The following DYNC1I1 variants were observed in gnomAD, a reference collection of about 807,000 sequenced individuals.
DYNC1I1 encodes the protein dynein cytoplasmic 1 intermediate chain 1.
In DYNC1I1, 43 loss-of-function variants were observed where a neutral mutation model predicts 86.6. That is an observed-to-expected ratio of 0.50 (90% CI 0.39 to 0.64). The LOEUF is 0.64. DYNC1I1 is among the 30% of genes least tolerant of loss of function. The pLI is 0.00. For synonymous variants in DYNC1I1, 262 were observed against 283.7 expected, an observed-to-expected ratio of 0.92 and a Z score of 0.77; for missense variants, 604 against 788.8, an observed-to-expected ratio of 0.77 and a Z score of 2.81.
chr7:96,019,769 C>A (rs1263248982), intron 10 of DYNC1I1, among the ~76,000 whole-genome samples: 2 of 151,962 alleles, frequency 1.3e-5, no homozygotes, highest in Non-Finnish European at 2.9e-5. Context: ...AGGACAACCT[C>A]CATCAACAGG....
At chr7:95,935,946 G>T (rs1055722004) in intron 6 of DYNC1I1, among the ~76,000 whole-genome samples, 1 of 151,902 alleles carries the variant, frequency 6.6e-6, no homozygotes, top group Non-Finnish European at 1.5e-5. Context: ...ATTTTAAAAA[G>T]ACAAGTATTA....
intron 6 of DYNC1I1, among the ~76,000 whole-genome samples, chr7:95,929,627 C>T (rs1357696806): frequency 6.6e-6 from 1 of 152,128 alleles, no homozygotes. Context: ...ACCATGAAAC[C>T]AGTCTTCAGA....
At chr7:96,099,389 A>G (rs1791093034), downstream of DYNC1I1, among the ~76,000 whole-genome samples, 1 of 152,198 alleles carries the variant, frequency 6.6e-6, no homozygotes, top group Non-Finnish European at 1.5e-5. Flanking sequence ...GTGATGCTAC[A>G]TGGTTTCCAT....
chr7:95,811,284 G>C (rs983827942), intron 3 of DYNC1I1, among the ~76,000 whole-genome samples: 1 of 151,672 alleles, frequency 6.6e-6, no homozygotes, highest in African/African-American at 2.4e-5. Context: ...ATTAATCCTA[G>C]GGTGTCTATA....
At chr7:96,063,667 C>A (rs930921889) in intron 14 of DYNC1I1, among the ~76,000 whole-genome samples, 1 of 152,114 alleles carries the variant, frequency 6.6e-6, no homozygotes, top group African/African-American at 2.4e-5. Flanking sequence ...CATACAACCT[C>A]ATTTAATCTT....
intron 1 of DYNC1I1, among the ~76,000 whole-genome samples, chr7:95,783,444 A>G (rs1330956775): frequency 2.0e-5 from 3 of 152,166 alleles, no homozygotes; most frequent in African/African-American, 7.2e-5. Context: ...TACAGATCGT[A>G]GGGGCCAATG....
chr7:95,875,435 C>T (rs1019451769), intron 6 of DYNC1I1, among the ~76,000 whole-genome samples: 4 of 152,126 alleles, frequency 2.6e-5, no homozygotes, highest in African/African-American at 9.7e-5. Context: ...ATTTATAATA[C>T]CACTAGTTGA....
chr7:95,834,726 C>T, intron 5 of DYNC1I1, among the ~76,000 whole-genome samples: 3 of 96,668 alleles, frequency 3.1e-5, no homozygotes, highest in African/African-American at 4.4e-5. Flanking sequence ...AGGAATTTAT[C>T]CATTTCTTCT....
chr7:96,065,404 G>T (rs1332685072), intron 14 of DYNC1I1, among the ~76,000 whole-genome samples: 2 of 134,916 alleles, frequency 1.5e-5, no homozygotes, highest in South Asian at 2.3e-4. Flanking sequence ...TTGAGACAGG[G>T]TCTCTCTCCG....
At chr7:95,988,111 T>A (rs1475564971) in intron 9 of DYNC1I1, among the ~76,000 whole-genome samples, 2 of 152,206 alleles carry the variant, frequency 1.3e-5, no homozygotes, top group Non-Finnish European at 2.9e-5. Flanking sequence ...GTGAGGTGGC[T>A]CAAGCCTGTA....
chr7:96,039,195 G>T, intron 13 of DYNC1I1, 82 bp from the exon 14 acceptor site: 2 of 1,479,780 alleles, frequency 1.4e-6, no homozygotes, highest in Non-Finnish European at 1.8e-6. Context: ...AGAGTTGAGG[G>T]TTTTTTGTTT....
intron 6 of DYNC1I1, among the ~76,000 whole-genome samples, chr7:95,899,644 G>A (rs1414000007): frequency 4.6e-5 from 7 of 152,182 alleles, no homozygotes; most frequent in African/African-American, 1.4e-4. Context: ...CTTCAGGCAC[G>A]TTGTGAGCTG....
chr7:95,827,577 T>C (rs898168435), intron 4 of DYNC1I1, among the ~76,000 whole-genome samples: 3 of 152,314 alleles, frequency 2.0e-5, no homozygotes, highest in Non-Finnish European at 2.9e-5. Flanking sequence ...ATATTTGTAG[T>C]ACCTGATCCA....
intron 6 of DYNC1I1, among the ~76,000 whole-genome samples, chr7:95,977,203 A>G (rs758345607): frequency 7.9e-5 from 12 of 152,320 alleles, no homozygotes; most frequent in Admixed American, 5.2e-4. Context: ...CCATCTTCGA[A>G]GAAGCTTCAG....
chr7:95,795,089 C>A (rs1421901058), intron 1 of DYNC1I1, among the ~76,000 whole-genome samples: 1 of 152,192 alleles, frequency 6.6e-6, no homozygotes, highest in Admixed American at 6.5e-5. Flanking sequence ...GGTGTCAGCT[C>A]TCTCATGCAA....
At position 96,098,324 on chromosome 7, in the gene DYNC1I1, T is replaced by C; in HGVS notation, c.*731T>C. ...GGGTACTTTAACAATATTTCAAATA[T>C]CATTGACCACTAATACTTCTCACTG... On this transcript the variant is annotated 3_prime_UTR_variant, in exon 17 of 17. Transcript: ENST00000447467. 1 of 985,862 alleles carries C rather than the reference T, an allele frequency of 1.0e-6. No individual in the cohort carries two copies. The allele number at this position is 985,862 out of a possible 1,614,324, so 61.1% of individuals were successfully genotyped here.
intron 11 of DYNC1I1, among the ~76,000 whole-genome samples, chr7:96,030,329 G>GTT (rs1188291236): frequency 1.6e-5 from 2 of 126,142 alleles, no homozygotes; most frequent in African/African-American, 3.2e-5. Context: ...TAATGGTAGA[G>GTT]TTGTGTGTGT....
chr7:95,862,247 A>G (rs953786190), intron 5 of DYNC1I1, among the ~76,000 whole-genome samples: 9 of 152,324 alleles, frequency 5.9e-5, no homozygotes, highest in African/African-American at 2.2e-4. Context: ...ATAAACCATA[A>G]AGAAAGTAAA....
intron 1 of DYNC1I1, among the ~76,000 whole-genome samples, chr7:95,783,631 A>G (rs7798435): frequency 0.44 from 66,167 of 152,088 alleles, 15,617 homozygotes; most frequent in Middle Eastern, 0.69. Context: ...ACTTCTTTCA[A>G]TTTGCAGACT....
Sources: allele counts gnomAD v4.1 joint callset (sites outside exome capture counted in the v4.1 genomes callset), GRCh38; gene constraint gnomAD v4.1.1; transcripts MANE v1.5; gene names NCBI Gene and HGNC (gene_info 2026-07-23, HGNC 2026-07-21).